Variants in NPAS3 observed in about 807,000 individuals in gnomAD.
The protein encoded by NPAS3 is neuronal PAS domain-containing protein 3.
In NPAS3, 14 loss-of-function variants were observed where a neutral mutation model predicts 73.1. The observed-to-expected ratio is 0.19, with a 90% CI of 0.13 to 0.30. The LOEUF (loss-of-function observed/expected upper bound fraction) is 0.30, where lower values mean the gene tolerates loss of function less well. Ranked by LOEUF, NPAS3 falls within the 10% of genes least tolerant of loss-of-function variation. The probability of loss-of-function intolerance (pLI) is 1.00; values close to 1 mark genes in which losing one functional copy is unlikely to be tolerated. For missense variants in NPAS3, 1,096 were observed against 1,250.0 expected (o/e 0.88, Z 1.86); for synonymous variants, 620 against 541.5 (o/e 1.14, Z -2.01).
At position 33,154,400 on chromosome 14, in the gene NPAS3, T is replaced by C. The variant is rs375202226; in HGVS notation, c.141-60782T>C. ...TTGCTATGCCAATATTCCAGATTAA[T>C]GTCTAAGAATGTTTAATGGTCGGAA... On this transcript the variant is annotated intron_variant, in intron 2 of 11. Coordinates refer to ENST00000356141, the Ensembl canonical transcript of NPAS3. Among the ~76,000 whole-genome samples, 123 of 152,356 alleles carry C rather than the reference T, an allele frequency of 8.1e-4. 1 individual carries two copies. The highest frequency in any genetic ancestry group is 2.7e-3 in the African/African-American group (113 of 41,590).
intron 4 of NPAS3, among the ~76,000 whole-genome samples, chr14:33,544,788 T>TTATATATATATATATATATATATAATA: frequency 1.6e-5 from 1 of 63,264 alleles, no homozygotes; most frequent in African/African-American, 8.6e-5. Flanking sequence ...TGTGTGTGTA[T>TTATATATATATATATATATATATAATA]TATATATATA....
intron 7 of NPAS3, among the ~76,000 whole-genome samples, chr14:33,754,482 A>G (rs939656472): frequency 6.6e-6 from 1 of 152,200 alleles, no homozygotes; most frequent in East Asian, 1.9e-4. Flanking sequence ...GGAGCAGGGG[A>G]AGAATAGTGG....
chr14:33,539,109 GAGA>G (rs2054389144), intron 4 of NPAS3, among the ~76,000 whole-genome samples: 2 of 152,110 alleles, frequency 1.3e-5, no homozygotes, highest in Admixed American at 6.6e-5. Context: ...GTGAGTGAGG[GAGA>G]AGAAGATTGT....
intron 1 of NPAS3, among the ~76,000 whole-genome samples, chr14:33,024,174 G>GTGTGTGTGTA (rs1180335752): frequency 1.3e-5 from 2 of 149,734 alleles, no homozygotes; most frequent in African/African-American, 5.0e-5. Context: ...GTGTGTGTAT[G>GTGTGTGTGTA]TATATTCCCC....
At chr14:33,384,744 A>G (rs2046705116) in intron 4 of NPAS3, among the ~76,000 whole-genome samples, 1 of 152,204 alleles carries the variant, frequency 6.6e-6, no homozygotes, top group Admixed American at 6.5e-5. Flanking sequence ...AACCAAACAA[A>G]TTTTAAAATC....
At chr14:33,462,317 G>A (rs551995060) in intron 4 of NPAS3, among the ~76,000 whole-genome samples, 1 of 152,292 alleles carries the variant, frequency 6.6e-6, no homozygotes, top group East Asian at 1.9e-4. Flanking sequence ...TATTGCTGCT[G>A]GCAAACCTCT....
At chr14:33,629,077 A>G (rs2058302944) in intron 5 of NPAS3, among the ~76,000 whole-genome samples, 1 of 151,984 alleles carries the variant, frequency 6.6e-6, no homozygotes, top group Non-Finnish European at 1.5e-5. Context: ...TAAAAAAAAT[A>G]CCAAAAAAAT....
chr14:32,998,653 A>G (rs1595186326), intron 1 of NPAS3, among the ~76,000 whole-genome samples: 1 of 152,026 alleles, frequency 6.6e-6, no homozygotes, highest in Admixed American at 6.6e-5. Flanking sequence ...CTAATTTCCC[A>G]TTTCCTGTCC....
At chr14:33,246,824 T>A (rs1341770192) in intron 3 of NPAS3, among the ~76,000 whole-genome samples, 1 of 104,474 alleles carries the variant, frequency 9.6e-6, no homozygotes, top group Non-Finnish European at 1.8e-5. Flanking sequence ...TGAAACCTCA[T>A]CTCTATTAAA....
chr14:33,548,244 C>G (rs2054937784), intron 4 of NPAS3, among the ~76,000 whole-genome samples: 1 of 152,158 alleles, frequency 6.6e-6, no homozygotes, highest in Non-Finnish European at 1.5e-5. Context: ...ATTCTGCATG[C>G]TAATTTTAAT....
chr14:33,031,423 G>T (rs560391966), intron 1 of NPAS3, among the ~76,000 whole-genome samples: 10 of 152,180 alleles, frequency 6.6e-5, no homozygotes, highest in Non-Finnish European at 1.5e-4. Flanking sequence ...CAGACTCCAA[G>T]TTCAGTTCTC....
At position 33,136,266 on chromosome 14, in the gene NPAS3, G is replaced by A. The variant is rs58981028; in HGVS notation, c.141-78916G>A. On this transcript the variant is annotated intron_variant, in intron 2 of 11. Transcript: ENST00000356141. Reference sequence around the variant, plus strand: ...AGTAGAGACAGGGTTTCACCATGTTGGCCAGGCTGGTCTCAATCTCCTGAC... The same window carrying A: ...AGTAGAGACAGGGTTTCACCATGTTAGCCAGGCTGGTCTCAATCTCCTGAC... Among the ~76,000 whole-genome samples the A allele has an allele frequency of 8.3e-3, 1,256 of 151,816 alleles. 12 individuals are homozygous for A. The highest frequency in any genetic ancestry group is 0.038 in the East Asian group (193 of 5,126).
intron 7 of NPAS3, among the ~76,000 whole-genome samples, 186 bp downstream of exon 7, chr14:33,735,518 CA>C (rs138336826): frequency 0.011 from 1,707 of 152,252 alleles, 16 homozygotes; most frequent in Middle Eastern, 0.048. Flanking sequence ...TCACTTCAGA[CA>C]TTGCTGGTGC....
chr14:33,749,638 C>G (rs903000548), intron 7 of NPAS3, among the ~76,000 whole-genome samples: 23 of 152,202 alleles, frequency 1.5e-4, no homozygotes, highest in Non-Finnish European at 3.2e-4. Context: ...TGGCCAGACC[C>G]CAAGCCCCTT....
chr14:33,628,306 C>A (rs2058279488), intron 5 of NPAS3, among the ~76,000 whole-genome samples: 2 of 152,134 alleles, frequency 1.3e-5, no homozygotes, highest in South Asian at 4.1e-4. Context: ...TCACAATGGG[C>A]TTCTCCAAAG....
intron 2 of NPAS3, among the ~76,000 whole-genome samples, chr14:33,061,458 T>C (rs918353948): frequency 1.3e-5 from 2 of 152,244 alleles, no homozygotes; most frequent in Non-Finnish European, 2.9e-5. Context: ...AGCCTTTCGA[T>C]ATCCAAATGA....
At chr14:33,380,412 T>C (rs142597967) in intron 4 of NPAS3, among the ~76,000 whole-genome samples, 173 of 152,258 alleles carry the variant, frequency 1.1e-3, no homozygotes, top group Non-Finnish European at 2.2e-3. Flanking sequence ...ACTGTAGCCA[T>C]GCACCTGTGG....
In NPAS3 at chr14:33,021,622, A is replaced by G. The variant is rs182926832; in HGVS notation, c.51-34283A>G. Among the ~76,000 whole-genome samples, 7 of 151,884 alleles carry G rather than the reference A, an allele frequency of 4.6e-5. No homozygotes were observed. In the East Asian group the frequency reaches 1.4e-3, roughly 29 times the overall value. On this transcript the variant is annotated intron_variant, in intron 1 of 11. Coordinates refer to ENST00000356141, the Ensembl canonical transcript of NPAS3. Reference sequence around the variant, plus strand: ...CCTCTAAACTTCCTAAATCCCACCTATTTTTCAAAGCAAAGATCAAGTGCC... The same window carrying G: ...CCTCTAAACTTCCTAAATCCCACCTGTTTTTCAAAGCAAAGATCAAGTGCC...
intron 5 of NPAS3, among the ~76,000 whole-genome samples, chr14:33,613,589 C>T (rs1166443690): frequency 2.6e-5 from 4 of 152,164 alleles, no homozygotes; most frequent in Non-Finnish European, 5.9e-5. Flanking sequence ...GCTCCAGCCC[C>T]ATCCTTCGGT....
Sources: allele counts gnomAD v4.1 joint callset (sites outside exome capture counted in the v4.1 genomes callset), GRCh38; gene constraint gnomAD v4.1.1; transcripts MANE v1.5; gene names NCBI Gene and HGNC (gene_info 2026-07-23, HGNC 2026-07-21).